Variants in LCOR observed in about 807,000 individuals in gnomAD.
LCOR encodes the protein ligand dependent nuclear receptor corepressor, also known as ligand-dependent corepressor.
A neutral mutation model predicts 64.4 loss-of-function variants in LCOR; 14 were observed. That is an observed-to-expected ratio of 0.22 (90% confidence interval 0.14 to 0.34). LCOR has a LOEUF of 0.34. LCOR is among the 10% of genes least tolerant of loss of function. LCOR has a pLI of 1.00. For missense variants in LCOR, 1,686 were observed against 1,765.3 expected (o/e 0.96, Z 0.80); for synonymous variants, 643 against 642.5 (o/e 1.00, Z -0.01).
At chr10:96,979,080 A>G (rs1433128974) in intron 7 of LCOR, among the ~76,000 whole-genome samples, 27 of 152,210 alleles carry the variant, frequency 1.8e-4, no homozygotes, top group Admixed American at 1.7e-3. Flanking sequence ...ACTGCTCAGA[A>G]GCCAGTGGAG....
chr10:96,851,602 AAGAC>A (rs1845722656), intron 2 of LCOR, among the ~76,000 whole-genome samples: 1 of 152,224 alleles, frequency 6.6e-6, no homozygotes, highest in African/African-American at 2.4e-5. Flanking sequence ...AAAGACTTCT[AAGAC>A]AGAAAATGTT....
intron 7 of LCOR, among the ~76,000 whole-genome samples, chr10:96,970,280 C>G (rs995216296): frequency 6.6e-6 from 1 of 152,004 alleles, no homozygotes; most frequent in African/African-American, 2.4e-5. Context: ...TGCCTGTAGT[C>G]CTAGCTACTC....
At chr10:96,948,847 A>G (rs1043732146) in intron 5 of LCOR, among the ~76,000 whole-genome samples, 161 bp from the exon 6 acceptor site, 2 of 152,170 alleles carry the variant, frequency 1.3e-5, no homozygotes, top group African/African-American at 4.8e-5. Flanking sequence ...ATTTTTAAAA[A>G]TAGACAACTC....
At chr10:96,910,139 C>T (rs918710542) in intron 4 of LCOR, among the ~76,000 whole-genome samples, 1 of 151,900 alleles carries the variant, frequency 6.6e-6, no homozygotes, top group African/African-American at 2.4e-5. Context: ...CTTAAGTGAT[C>T]CTGCTTCTTC....
intron 7 of LCOR, among the ~76,000 whole-genome samples, chr10:96,975,094 C>T (rs898679243): frequency 6.6e-6 from 1 of 152,198 alleles, no homozygotes; most frequent in Non-Finnish European, 1.5e-5. Context: ...TTGCTTGAAC[C>T]CGGGAGGTGG....
rs1470852558 is a variant in LCOR, at chr10:96,989,862, T to G, written c.*4728T>G. ...CAAGTATGAGTTTCTATGCTGGTTT[T>G]TTTTTAATGTGATTCAATGTCCTGT... On this transcript the variant is annotated 3_prime_UTR_variant, in exon 8 of 8. Coordinates refer to ENST00000421806, the MANE Select transcript of LCOR (RefSeq NM_001346516.2). 6.6e-6 allele frequency: 1 copy of G among 151,656 alleles called. No individual in the cohort carries two copies. The highest frequency in any genetic ancestry group is 1.5e-5 in the Non-Finnish European group (1 of 67,926). The allele number at this position is 151,656 out of a possible 1,614,324, so 9.4% of individuals were successfully genotyped here. A position where few individuals can be genotyped will look rare whatever the true frequency, so the allele number is the denominator to read the frequency against.
chr10:96,834,942 C>T (rs1845416414), intron 2 of LCOR, among the ~76,000 whole-genome samples: 1 of 152,056 alleles, frequency 6.6e-6, no homozygotes, highest in Non-Finnish European at 1.5e-5. Flanking sequence ...ACTCTTTTGC[C>T]CGGGCTGGAG....
intron 2 of LCOR, among the ~76,000 whole-genome samples, chr10:96,849,519 G>A (rs761724272): frequency 6.6e-6 from 1 of 152,144 alleles, no homozygotes; most frequent in Non-Finnish European, 1.5e-5. Flanking sequence ...CAGGTTGAGC[G>A]TCTTTAATCT....
chr10:96,980,536 A>G (rs148273540), intron 7 of LCOR, among the ~76,000 whole-genome samples: 8 of 152,276 alleles, frequency 5.3e-5, no homozygotes, highest in Admixed American at 2.0e-4. Context: ...AGTTTTCGCC[A>G]AAGTACCCAC....
intron 7 of LCOR, chr10:96,960,347 A>G (rs1352563277): frequency 6.6e-6 from 1 of 152,198 alleles, no homozygotes; most frequent in Non-Finnish European, 1.5e-5. Flanking sequence ...TCAGAAGTTG[A>G]AAATATTTTG....
intron 2 of LCOR, among the ~76,000 whole-genome samples, chr10:96,895,385 T>C (rs1846519185): frequency 6.6e-6 from 1 of 152,206 alleles, no homozygotes; most frequent in South Asian, 2.1e-4. Flanking sequence ...GTTTGATGTA[T>C]ACCCTCTATG....
At chr10:96,906,116 T>C (rs1846722627) in intron 2 of LCOR, among the ~76,000 whole-genome samples, 3 of 152,200 alleles carry the variant, frequency 2.0e-5, no homozygotes, top group Admixed American at 2.0e-4. Context: ...GGGTACCTTA[T>C]CTTTTAAGCA....
At chr10:96,962,483 G>A (rs898983786) in intron 7 of LCOR, 1 of 152,062 alleles carries the variant, frequency 6.6e-6, no homozygotes, top group Non-Finnish European at 1.5e-5. Context: ...TTGTGGAAGG[G>A]TATATTTCTA....
At chr10:96,915,597 C>G (rs1846926935) in intron 4 of LCOR, 15 of 794,662 alleles carry the variant, frequency 1.9e-5, no homozygotes, top group South Asian at 1.9e-4. Flanking sequence ...ATACAGTCAC[C>G]AGAAGTACAC....
rs964011683 is a variant in LCOR at position 96,907,305 on chromosome 10, A to G, written c.-289A>G. The stretch of plus-strand genomic sequence containing the variant: ...TTGAAGGGCTGTTTGGACCTGCATT[A>G]TTAAAAGATCTCAGTTTATTTAAAG... On this transcript the variant is annotated 5_prime_UTR_variant, in exon 3 of 8. Coordinates refer to ENST00000421806, the MANE Select transcript of LCOR (RefSeq NM_001346516.2). The G allele has an allele frequency of 1.0e-6, 1 of 982,218 alleles. No individual in the cohort carries two copies. Among genetic ancestry groups the G allele is most frequent in the Non-Finnish European group, 1.2e-6 (1 of 826,674 alleles). The allele number at this position is 982,218 out of a possible 1,614,324, so 60.8% of individuals were successfully genotyped here.
Position 96,991,021 on chromosome 10 carries a change from G to GT in LCOR, c.*5888dup, listed in dbSNP as rs1419638130. 4.6e-5 allele frequency: 4 copies of GT among 87,204 alleles called. No homozygotes were observed. The highest frequency in any genetic ancestry group is 3.8e-4 in the Admixed American group (3 of 7,932). The allele number at this position is 87,204 out of a possible 1,614,324, so 5.4% of individuals were successfully genotyped here. A position where few individuals can be genotyped will look rare whatever the true frequency, so the allele number is the denominator to read the frequency against. ...TTTTTACCCTTTTTTAAAGGGTTAT[G>GT]TAAAAAAAAAAAAAAAAAAAAAAAG... On this transcript the variant is annotated 3_prime_UTR_variant, in exon 8 of 8. Transcript: ENST00000421806.
rs77652574 is a variant in LCOR, at chr10:96,984,306, T to C, written c.3846T>C (p.Ser1282=). The C allele has an allele frequency of 6.2e-7, 1 of 1,614,122 alleles. No individual in the cohort carries two copies. Among genetic ancestry groups the C allele is most frequent in the East Asian group, 2.2e-5 (1 of 44,890 alleles). Reference sequence around the variant, plus strand: ...GTGATGTCAGCCCCGGCCCTAATTCTGAAGACAGCATAGAGGAAGTCAAGG... The same window carrying C: ...GTGATGTCAGCCCCGGCCCTAATTCCGAAGACAGCATAGAGGAAGTCAAGG... The part of the protein sequence containing the change: ...DGSDVSPGPN[S]EDSIEEVKED... The change falls in exon 8 of 8, where the codon TCT becomes TCC. Residue 1282 remains serine (S), a synonymous_variant. Coordinates refer to ENST00000421806, the MANE Select transcript of LCOR (RefSeq NM_001346516.2).
At chr10:96,909,081 G>C (rs934246237) in intron 4 of LCOR, among the ~76,000 whole-genome samples, 1 of 151,960 alleles carries the variant, frequency 6.6e-6, no homozygotes. Flanking sequence ...CCCTCACAAC[G>C]AATTTCATTT....
chr10:96,924,917 G>A (rs1847141840), intron 4 of LCOR, among the ~76,000 whole-genome samples: 3 of 151,948 alleles, frequency 2.0e-5, no homozygotes, highest in Admixed American at 6.6e-5. Context: ...AAATTTTACC[G>A]ATTATCCCAG....
Sources: allele counts gnomAD v4.1 joint callset (sites outside exome capture counted in the v4.1 genomes callset), GRCh38; gene constraint gnomAD v4.1.1; transcripts MANE v1.5; gene names NCBI Gene and HGNC (gene_info 2026-07-23, HGNC 2026-07-21).